Variants in WDFY3 observed in about 807,000 individuals in gnomAD.
The protein encoded by WDFY3 is WD repeat and FYVE domain containing 3.
In WDFY3, 66 loss-of-function variants were observed where a neutral mutation model predicts 409.6. The ratio of observed to expected loss-of-function variants is 0.16; its 90% CI spans 0.13 to 0.20. WDFY3 has a LOEUF of 0.20. Among genes scored for constraint, WDFY3 ranks in the 10% least tolerant of loss-of-function variants. The pLI is 1.00. For synonymous variants in WDFY3, 1,521 were observed against 1,537.1 expected (o/e 0.99, Z 0.25); for missense variants, 3,031 against 4,298.1 (o/e 0.71, Z 8.24).
intron 3 of WDFY3, among the ~76,000 whole-genome samples, chr4:84,883,406 GT>G (rs1401981762): frequency 1.2e-4 from 19 of 152,152 alleles, no homozygotes; most frequent in African/African-American, 4.3e-4. Flanking sequence ...TTCTCCAAGT[GT>G]AAATCAGTTT....
At position 84,867,760 on chromosome 4, in the gene WDFY3, T is replaced by C. The variant is rs113180782; in HGVS notation, c.-31-7138A>G. Among the ~76,000 whole-genome samples the C allele has an allele frequency of 3.4e-4, 52 of 152,326 alleles. 1 individual carries two copies. Among genetic ancestry groups the C allele is most frequent in the African/African-American group, 1.1e-3 (44 of 41,590 alleles). On this transcript the variant is annotated intron_variant, in intron 3 of 67. Transcript: ENST00000295888. Reference sequence around the variant, plus strand: ...GAGTAGCTCTGCTGAAAACTTTAAATAACTTTCCTAACTCTTTAATTATAT... The same window carrying C: ...GAGTAGCTCTGCTGAAAACTTTAAACAACTTTCCTAACTCTTTAATTATAT...
chr4:84,735,699 C>T (rs930816281), intron 42 of WDFY3, among the ~76,000 whole-genome samples: 1 of 152,188 alleles, frequency 6.6e-6, no homozygotes, highest in African/African-American at 2.4e-5. Flanking sequence ...CATACTATTT[C>T]TCTCAGATCC....
At chr4:84,681,027 A>G (rs535216900) in intron 64 of WDFY3, among the ~76,000 whole-genome samples, 1 of 152,236 alleles carries the variant, frequency 6.6e-6, no homozygotes, top group East Asian at 1.9e-4. Flanking sequence ...TTTCACCCCA[A>G]CGGCTTATGA....
intron 1 of WDFY3, among the ~76,000 whole-genome samples, chr4:84,954,089 A>T (rs1209661958): frequency 1.3e-5 from 2 of 152,176 alleles, no homozygotes; most frequent in Non-Finnish European, 2.9e-5. Context: ...ACCCAGCACA[A>T]TCACAATAAA....
chr4:84,736,537 T>C (rs1193660042), intron 41 of WDFY3, among the ~76,000 whole-genome samples: 3 of 112,080 alleles, frequency 2.7e-5, no homozygotes, highest in African/African-American at 8.7e-5. Context: ...GAACTGATAG[T>C]TGGTTGAAAG....
chr4:84,716,835 T>C (rs1578232494), intron 49 of WDFY3, 61 bp downstream of exon 49: 1 of 1,331,302 alleles, frequency 7.5e-7, no homozygotes. Context: ...TAAAATAAAA[T>C]AAAACAATAC....
chr4:84,839,066 T>C (rs1197436843), intron 6 of WDFY3, among the ~76,000 whole-genome samples: 1 of 152,184 alleles, frequency 6.6e-6, no homozygotes, highest in Non-Finnish European at 1.5e-5. Flanking sequence ...TTACTAGGTT[T>C]AGCTGGCCAC....
At chr4:84,890,700 G>A (rs995253076) in intron 3 of WDFY3, among the ~76,000 whole-genome samples, 1 of 152,176 alleles carries the variant, frequency 6.6e-6, no homozygotes, top group Non-Finnish European at 1.5e-5. Context: ...TTTGCCATGC[G>A]GTTTCTGTTA....
In WDFY3 at chr4:84,778,419, T is replaced by G; in HGVS notation, c.4518+84A>C. 3.1e-6 allele frequency: 4 copies of G among 1,278,962 alleles called. No homozygotes were observed. The South Asian group carries it at 8.2e-5, about 26-fold the overall frequency. 79.2% of individuals were successfully genotyped at this position (1,278,962 alleles called of 1,614,324 possible). ...TAAAATTATAGGGCTTTAAACACAT[T>G]TTAGAGATAAAATAGTTTATAATCA... On this transcript the variant is annotated intron_variant, in intron 27 of 67. Coordinates refer to ENST00000295888, the MANE Select transcript of WDFY3 (RefSeq NM_014991.6).
intron 33 of WDFY3, among the ~76,000 whole-genome samples, chr4:84,755,877 C>T (rs1741350905): frequency 6.6e-6 from 1 of 152,106 alleles, no homozygotes; most frequent in African/African-American, 2.4e-5. Flanking sequence ...AACTTTATGA[C>T]TATGGCACCA....
chr4:84,830,426 T>A (rs1578718563), intron 8 of WDFY3, among the ~76,000 whole-genome samples: 1 of 152,206 alleles, frequency 6.6e-6, no homozygotes. Flanking sequence ...ACATAAGTGT[T>A]CTAGCTACTT....
Position 84,810,235 on chromosome 4 carries a change from C to T in WDFY3, c.1997G>A (p.Ser666Asn), listed in dbSNP as rs1752259463. 1 of 1,614,072 alleles carries T rather than the reference C, an allele frequency of 6.2e-7. No homozygotes were observed. Among genetic ancestry groups the T allele is most frequent in the Non-Finnish European group, 8.5e-7 (1 of 1,179,992 alleles). The change falls in exon 14 of 68, where the codon AGC (serine) becomes AAC (asparagine). Residue 666 changes from serine to asparagine, a missense_variant. By Grantham distance (46) the Ser-to-Asn change is conservative. Around this residue, in one of 16 missense-constraint regions of WDFY3, gnomAD observed 1,322 missense variants for 1,697.9 expected, o/e 0.78. Coordinates refer to ENST00000295888, the MANE Select transcript of WDFY3 (RefSeq NM_014991.6). The stretch of plus-strand genomic sequence containing the variant: ...CTCCCAGCCATTCTTGGGTGGACAG[C>T]TCAAAGATCTTTCCATAGCAACGAG... ...SLLVAMERSL[S>N]CPPKNGWEKV...
chr4:84,820,255 G>C, intron 11 of WDFY3, 69 bp from the exon 12 acceptor site: 2 of 1,263,668 alleles, frequency 1.6e-6, no homozygotes, highest in Non-Finnish European at 1.1e-6. Context: ...CCGTTTTACT[G>C]TAATAATTTC....
intron 2 of WDFY3, among the ~76,000 whole-genome samples, chr4:84,901,886 A>G (rs1228608138): frequency 6.6e-6 from 1 of 152,208 alleles, no homozygotes; most frequent in Non-Finnish European, 1.5e-5. Context: ...TGGCAGGTTG[A>G]TATCTGAGGG....
At position 84,690,572 on chromosome 4, in the gene WDFY3, G is replaced by A. The variant is rs760511468; in HGVS notation, c.9297C>T (p.Ser3099=). ...CCATCTCCCACACACACACAACCGT[G>A]CTTGTTCCACCCGTGATGACCAGCT... ...NPKLVITGGT[S]TVVCVWEMGT... is the part of the protein sequence containing the mutation. The change falls in exon 61 of 68, where the codon AGC becomes AGT. Residue 3099 remains serine (S), a synonymous_variant. Coordinates refer to ENST00000295888, the MANE Select transcript of WDFY3 (RefSeq NM_014991.6). 2.7e-5 allele frequency: 43 copies of A among 1,614,008 alleles called. No homozygotes were observed. Among genetic ancestry groups the A allele is most frequent in the Non-Finnish European group, 3.4e-5 (40 of 1,180,032 alleles).
At chr4:84,712,936 G>T (rs1733185125) in intron 51 of WDFY3, among the ~76,000 whole-genome samples, 1 of 152,162 alleles carries the variant, frequency 6.6e-6, no homozygotes, top group Non-Finnish European at 1.5e-5. Flanking sequence ...CAATACTCAT[G>T]CTTTAAAGAA....
intron 13 of WDFY3, among the ~76,000 whole-genome samples, chr4:84,813,610 A>G (rs538510824): frequency 6.6e-6 from 1 of 152,248 alleles, no homozygotes; most frequent in Non-Finnish European, 1.5e-5. Flanking sequence ...TAAATGCAAA[A>G]TATCATGACT....
In WDFY3 at chr4:84,780,192, T is replaced by C. The variant is rs1394115581; in HGVS notation, c.4281A>G (p.Leu1427=). ...AAACCAGGGCCTTGACTGCTGCATA[T>C]AACCCTTCCACATCAGAGGCCATGG... ...LVAMASDVEG[L]YAAVKALVCV... The change falls in exon 26 of 68, where the codon TTA becomes TTG. Residue 1427 remains leucine (L), a synonymous_variant. Coordinates refer to ENST00000295888, the MANE Select transcript of WDFY3 (RefSeq NM_014991.6). 3 of 1,613,926 alleles carry C rather than the reference T, an allele frequency of 1.9e-6. No homozygotes were observed. Among genetic ancestry groups the C allele is most frequent in the Non-Finnish European group, 2.5e-6 (3 of 1,179,926 alleles).
chr4:84,736,401 G>T, intron 41 of WDFY3, 74 bp from the exon 42 acceptor site: 1 of 1,392,468 alleles, frequency 7.2e-7, no homozygotes, highest in Non-Finnish European at 9.5e-7. Flanking sequence ...AAACTTATCT[G>T]GTTATAAACT....
Sources: gnomAD v4.1 joint callset for allele counts (sites outside exome capture counted in the v4.1 genomes callset) on GRCh38, gnomAD v4.1.1 for gene constraint, gnomAD v4.1.1 regional missense constraint, MANE v1.5 for transcripts, NCBI Gene and HGNC (gene_info 2026-07-23, HGNC 2026-07-21) for gene names.